Variants in ARHGEF26 observed in about 807,000 individuals in gnomAD.
The protein encoded by ARHGEF26 is Rho guanine nucleotide exchange factor 26.
ARHGEF26 carries 59 observed loss-of-function variants against 89.4 expected under a neutral mutation model. That is an observed-to-expected ratio of 0.66 (90% CI 0.54 to 0.82). The LOEUF is 0.82. Among genes scored for constraint, ARHGEF26 ranks in the 40% least tolerant of loss-of-function variants. ARHGEF26 has a pLI of 0.00. For missense variants in ARHGEF26, 1,234 were observed against 1,085.6 expected (o/e 1.14, Z -1.92); for synonymous variants, 500 against 428.4 (o/e 1.17, Z -2.06).
chr3:154,126,362 C>T (rs1299739843), intron 3 of ARHGEF26, among the ~76,000 whole-genome samples: 2 of 152,144 alleles, frequency 1.3e-5, no homozygotes, highest in Non-Finnish European at 2.9e-5. Flanking sequence ...GTTCCCATCT[C>T]CTACTTTCTG....
At position 154,256,564 on chromosome 3, in the gene ARHGEF26, A is replaced by C. The variant is rs1243969862; in HGVS notation, c.*1091A>C. 31 of 998,772 alleles carry C rather than the reference A, an allele frequency of 3.1e-5. 1 individual carries two copies. Among genetic ancestry groups the C allele is most frequent in the Middle Eastern group, 4.9e-4 (1 of 2,040 alleles). 61.9% of individuals were successfully genotyped at this position (998,772 alleles called of 1,614,324 possible). ...CTAATTAATTAAAAAAAAAAAAAAA[A>C]AAAAAAAAAAACCTTCCCAAATGAG... On this transcript the variant is annotated 3_prime_UTR_variant, in exon 15 of 15. Coordinates refer to ENST00000465093, the MANE Select transcript of ARHGEF26 (RefSeq NM_015595.4).
intron 4 of ARHGEF26, among the ~76,000 whole-genome samples, chr3:154,147,531 G>A (rs1256873337): frequency 1.3e-5 from 2 of 152,212 alleles, no homozygotes; most frequent in Non-Finnish European, 2.9e-5. Flanking sequence ...CACGAATGGA[G>A]ACAATAGAAA....
At chr3:154,231,912 T>C (rs947682379) in intron 11 of ARHGEF26, among the ~76,000 whole-genome samples, 2 of 147,702 alleles carry the variant, frequency 1.4e-5, no homozygotes, top group African/African-American at 5.0e-5. Context: ...TTTTTTTTTT[T>C]TCACTATTCC....
chr3:154,217,882 G>C lies in ARHGEF26; in HGVS notation c.1859G>C (p.Cys620Ser). 1 of 1,599,742 alleles carries C rather than the reference G, an allele frequency of 6.3e-7. No individual in the cohort carries two copies. The highest frequency in any genetic ancestry group is 8.5e-7 in the Non-Finnish European group (1 of 1,172,748). Reference sequence around the variant, plus strand: ...CTGTGTTCCCAGTTGGTTCGACTATGCAATGAGGGCGCCCGGAAGATGGAA... The same window carrying C: ...CTGTGTTCCCAGTTGGTTCGACTATCCAATGAGGGCGCCCGGAAGATGGAA... Reference protein sequence around the residue: ...LKEVSKLVRLCNEGARKMERT... With the variant: ...LKEVSKLVRLSNEGARKMERT... Residue 620 changes from cysteine (C) to serine (S), a missense_variant, in exon 10 of 15, where the codon TGC (cysteine) becomes TCC (serine). Transcript: ENST00000465093.
intron 11 of ARHGEF26, among the ~76,000 whole-genome samples, chr3:154,230,492 A>G (rs1301215485): frequency 6.6e-6 from 1 of 152,062 alleles, no homozygotes; most frequent in Admixed American, 6.5e-5. Flanking sequence ...GAAACTTACA[A>G]CTTTTTTGTT....
intron 6 of ARHGEF26, among the ~76,000 whole-genome samples, chr3:154,175,573 T>C (rs1712766071): frequency 6.6e-6 from 1 of 152,232 alleles, no homozygotes; most frequent in Non-Finnish European, 1.5e-5. Flanking sequence ...ATACTTACTT[T>C]TTCATGAAGC....
chr3:154,126,518 T>C (rs1443173794), intron 3 of ARHGEF26, among the ~76,000 whole-genome samples: 1 of 152,226 alleles, frequency 6.6e-6, no homozygotes, highest in Non-Finnish European at 1.5e-5. Flanking sequence ...CTTAGTCTCC[T>C]AGGTAGTCAA....
rs781076579 is a variant in ARHGEF26, at chr3:154,122,552, C to T, written c.560C>T (p.Ser187Leu). The T allele has an allele frequency of 3.3e-5, 54 of 1,613,604 alleles. No homozygotes were observed. The South Asian group carries it at 4.3e-4, about 13-fold the overall frequency. Reference sequence around the variant, plus strand: ...GCCGCTAATAACGACTCTCCTGGGTCAGGTTCGCAGTCCGGCCGGAAGGCA... The same window carrying T: ...GCCGCTAATAACGACTCTCCTGGGTTAGGTTCGCAGTCCGGCCGGAAGGCA... Reference protein sequence around the residue: ...GLAANNDSPGSGSQSGRKAKD... With the variant: ...GLAANNDSPGLGSQSGRKAKD... The change falls in exon 2 of 15, where the codon TCA becomes TTA. Residue 187 changes from serine to leucine, a missense_variant. Transcript: ENST00000465093.
chr3:154,156,574 G>A (rs1441510605), intron 6 of ARHGEF26, among the ~76,000 whole-genome samples: 1 of 152,052 alleles, frequency 6.6e-6, no homozygotes, highest in African/African-American at 2.4e-5. Flanking sequence ...TGATAACTCT[G>A]TCTATATCAT....
intron 1 of ARHGEF26, 64 bp from the exon 2 acceptor site, chr3:154,121,878 C>G: frequency 3.6e-6 from 5 of 1,401,396 alleles, no homozygotes; most frequent in Non-Finnish European, 4.8e-6. Context: ...TCTGGGAGCA[C>G]GCGAGTCGGC....
At chr3:154,169,766 A>G (rs530896155) in intron 6 of ARHGEF26, among the ~76,000 whole-genome samples, 2 of 152,328 alleles carry the variant, frequency 1.3e-5, no homozygotes, top group Admixed American at 6.5e-5. Context: ...TCAACACTGT[A>G]TACATTAAAT....
At chr3:154,177,313 T>A (rs1712885876) in intron 6 of ARHGEF26, among the ~76,000 whole-genome samples, 1 of 152,198 alleles carries the variant, frequency 6.6e-6, no homozygotes, top group Admixed American at 6.5e-5. Flanking sequence ...TTCACATGCA[T>A]TGGACCTCTC....
chr3:154,235,542 A>G (rs1194251894), intron 11 of ARHGEF26, among the ~76,000 whole-genome samples: 3 of 152,220 alleles, frequency 2.0e-5, no homozygotes, highest in Non-Finnish European at 2.9e-5. Context: ...ACATTCCACT[A>G]TCAGGTAGTC....
At chr3:154,246,971 T>G (rs1717835231) in intron 12 of ARHGEF26, among the ~76,000 whole-genome samples, 2 of 152,184 alleles carry the variant, frequency 1.3e-5, no homozygotes, top group Admixed American at 6.5e-5. Context: ...TAATCAACCT[T>G]GGCGTGACTT....
intron 4 of ARHGEF26, among the ~76,000 whole-genome samples, chr3:154,139,694 C>T (rs1039125383): frequency 8.5e-5 from 13 of 152,104 alleles, no homozygotes; most frequent in African/African-American, 3.1e-4. Flanking sequence ...AGAGTGTTGT[C>T]ACCTTTAAAA....
Position 154,219,451 on chromosome 3 carries a change from C to T in ARHGEF26, c.1935+1493C>T, listed in dbSNP as rs1019588948. 7.2e-5 allele frequency among the ~76,000 whole-genome samples: 11 copies of T among 151,826 alleles called. No homozygotes were observed. In the South Asian group the frequency reaches 1.9e-3, roughly 26 times the overall value. On this transcript the variant is annotated intron_variant, in intron 10 of 14. Coordinates refer to ENST00000465093, the MANE Select transcript of ARHGEF26 (RefSeq NM_015595.4). ...CTCTACTAAAAATACAAAAATTAGCCGGGTGTAGTGGCAGGCACCTGTAAT... is the reference window on the plus strand; with the variant it reads ...CTCTACTAAAAATACAAAAATTAGCTGGGTGTAGTGGCAGGCACCTGTAAT...
At position 154,255,429 on chromosome 3, in the gene ARHGEF26, G is replaced by A; in HGVS notation, c.2572G>A (p.Val858Met). 1 of 1,613,856 alleles carries A rather than the reference G, an allele frequency of 6.2e-7. No individual in the cohort carries two copies. The highest frequency in any genetic ancestry group is 2.2e-5 in the East Asian group (1 of 44,874). ...ATGTCAAGCTACAATTGATAAGAAT[G>A]TGGAGAGAATGGGACGCTTGCTAGG... ...ITCQATIDKN[V>M]ERMGRLLGLE... The change falls in exon 15 of 15, where the codon GTG (valine) becomes ATG (methionine). Residue 858 changes from valine to methionine, a missense_variant. Coordinates refer to ENST00000465093, the MANE Select transcript of ARHGEF26 (RefSeq NM_015595.4).
At chr3:154,184,004 G>A (rs1219166426) in intron 6 of ARHGEF26, among the ~76,000 whole-genome samples, 15 of 144,732 alleles carry the variant, frequency 1.0e-4, no homozygotes, top group Admixed American at 8.4e-4. Flanking sequence ...ACGGAGTCTC[G>A]CTCTGTCGCC....
intron 9 of ARHGEF26, among the ~76,000 whole-genome samples, chr3:154,211,347 A>G (rs374365919): frequency 7.2e-5 from 11 of 152,136 alleles, no homozygotes; most frequent in African/African-American, 2.4e-4. Flanking sequence ...CCTTCTGACT[A>G]GGGCTGATTT....
Sources: gnomAD v4.1 joint callset for allele counts (sites outside exome capture counted in the v4.1 genomes callset) on GRCh38, gnomAD v4.1.1 for gene constraint, MANE v1.5 for transcripts, NCBI Gene and HGNC (gene_info 2026-07-23, HGNC 2026-07-21) for gene names.